DST: variants seen among roughly 807,000 people sequenced by gnomAD.
DST encodes the protein dystonin, also known as bullous pemphigoid antigen.
Under a neutral mutation model 875.2 loss-of-function variants are expected in DST, and 253 were observed. The observed-to-expected ratio is 0.29, with a 90% CI of 0.26 to 0.32. The LOEUF is 0.32. Among genes scored for constraint, DST ranks in the 10% least tolerant of loss-of-function variants. DST has a pLI of 1.00. For missense variants in DST, 8,287 were observed against 9,111.6 expected (o/e 0.91, Z 3.68); for synonymous variants, 3,124 against 3,197.1 (o/e 0.98, Z 0.77).
intron 15 of DST, among the ~76,000 whole-genome samples, chr6:56,644,318 C>A (rs143325755): frequency 6.6e-6 from 1 of 152,112 alleles, no homozygotes; most frequent in African/African-American, 2.4e-5. Flanking sequence ...TATTATTATA[C>A]TTTAACATAA....
intron 5 of DST, among the ~76,000 whole-genome samples, chr6:56,706,185 G>T (rs562944984): frequency 6.6e-6 from 1 of 151,968 alleles, no homozygotes; most frequent in African/African-American, 2.4e-5. Context: ...ATGGTGGCAG[G>T]TGCCTGTAAT....
At position 56,460,131 on chromosome 6, in the gene DST, C is replaced by T. The variant is rs1170180001; in HGVS notation, c.23194G>A (p.Asp7732Asn). ...AAARVRTQFA[D>N]SKKTPSRPGS... ...GAAAAAAGAAAGGCACCACACTCAC[C>T]AGCAAACTGTGTTCGGACTCTGGCA... Residue 7732 changes from aspartate (D) to asparagine (N), a missense_variant and splice_region_variant, in exon 103 of 104, where the codon GAT (aspartate) becomes AAT (asparagine). Transcript: ENST00000680361. The T allele has an allele frequency of 6.2e-7, 1 of 1,610,462 alleles. No individual in the cohort carries two copies. Among genetic ancestry groups the T allele is most frequent in the African/African-American group, 1.3e-5 (1 of 74,878 alleles).
chr6:56,634,091 A>AT (rs1431556004), intron 27 of DST, 41 bp downstream of exon 27: 1 of 1,610,812 alleles, frequency 6.2e-7, no homozygotes, highest in Admixed American at 1.7e-5. Context: ...AGGCATGCAC[A>AT]TTTTTGGACA....
At chr6:56,544,350 T>C (rs1417067457) in intron 61 of DST, among the ~76,000 whole-genome samples, 2 of 152,234 alleles carry the variant, frequency 1.3e-5, no homozygotes, top group Non-Finnish European at 2.9e-5. Flanking sequence ...CTTTTCATAA[T>C]AAAGAATGGC....
intron 57 of DST, 69 bp downstream of exon 57, chr6:56,561,239 C>A: frequency 6.7e-7 from 1 of 1,487,712 alleles, no homozygotes; most frequent in Non-Finnish European, 9.0e-7. Flanking sequence ...CTTCTGACTA[C>A]CAGAGCTCCG....
At chr6:56,663,284 T>A (rs1208564769) in intron 10 of DST, among the ~76,000 whole-genome samples, 4 of 152,356 alleles carry the variant, frequency 2.6e-5, no homozygotes, top group East Asian at 3.9e-4. Flanking sequence ...AGTCATCCAT[T>A]TCTGTTCTCA....
rs1417774465 is a variant in DST at position 56,617,377 on chromosome 6, T to C, written c.4930-2893A>G. The C allele has an allele frequency of 6.8e-6, 11 of 1,613,860 alleles. No homozygotes were observed. The highest frequency in any genetic ancestry group is 9.3e-6 in the Non-Finnish European group (11 of 1,179,966). ...CTGGGTTCTTTTCTTGTTTTAATGT[T>C]GTGACTTCTGTATGCATATCATACT... On this transcript the variant is annotated intron_variant, in intron 36 of 103. Transcript: ENST00000680361.
intron 63 of DST, 59 bp from the exon 64 acceptor site, chr6:56,532,569 CA>C: frequency 1.4e-6 from 2 of 1,442,102 alleles, no homozygotes; most frequent in Non-Finnish European, 1.9e-6. Flanking sequence ...ATATAAAGTA[CA>C]ATGTATTCTA....
chr6:56,529,621 T>C lies in DST; in HGVS notation c.17422A>G (p.Lys5808Glu), dbSNP rs1313897727. 1 of 1,613,840 alleles carries C rather than the reference T, an allele frequency of 6.2e-7. No homozygotes were observed. Reference sequence around the variant, plus strand: ...AGGAGCTCAGACCTGCTGTGACTTTTCTCTTGAATCTCAATGTACCATACT... The same window carrying C: ...AGGAGCTCAGACCTGCTGTGACTTTCCTCTTGAATCTCAATGTACCATACT... ...SQVWYIEIQE[K>E]SHSRSELLQQ... The change falls in exon 66 of 104, where the codon AAA becomes GAA. Residue 5808 changes from lysine to glutamate, a missense_variant. Coordinates refer to ENST00000680361, the MANE Select transcript of DST (RefSeq NM_001374736.1).
chr6:56,627,182 TAAAGTTAATG>T lies in DST; in HGVS notation c.4722+12_4722+21del, dbSNP rs1160320219. On this transcript the variant is annotated intron_variant, in intron 34 of 103. Transcript: ENST00000680361. ...CACAAACCTGAATATTAAATTTTAC[TAAAGTTAATG>T]AATCTTCCTACCTTCACTGTAGCTG... 6.5e-7 allele frequency: 1 copy of T among 1,546,024 alleles called. No individual in the cohort carries two copies. Among genetic ancestry groups the T allele is most frequent in the African/African-American group, 1.4e-5 (1 of 73,844 alleles).
Position 56,508,639 on chromosome 6 carries a change from C to T in DST, c.19129G>A (p.Asp6377Asn). 4.3e-6 allele frequency: 7 copies of T among 1,613,788 alleles called. No homozygotes were observed. Among genetic ancestry groups the T allele is most frequent in the Non-Finnish European group, 5.9e-6 (7 of 1,179,758 alleles). The change falls in exon 75 of 104, where the codon GAT (aspartate) becomes AAT (asparagine). Residue 6377 changes from aspartate (D) to asparagine (N), a missense_variant. Asp to Asn is a conservative substitution (Grantham distance 23, BLOSUM62 1). Coordinates refer to ENST00000680361, the MANE Select transcript of DST (RefSeq NM_001374736.1). ...VMELAEKFWC[D>N]HMSLIVTIKD... ...ATGGTAACTATCAATGACATGTGATCACACCAGAACTTTTCTGCTAGCTCC... is the reference window on the plus strand; with the variant it reads ...ATGGTAACTATCAATGACATGTGATTACACCAGAACTTTTCTGCTAGCTCC...
chr6:56,685,633 G>A (rs1283109747), intron 9 of DST, among the ~76,000 whole-genome samples: 3 of 152,060 alleles, frequency 2.0e-5, no homozygotes, highest in Non-Finnish European at 4.4e-5. Flanking sequence ...TTAGCCAGGC[G>A]TGGTGGTGGA....
At chr6:56,653,243 G>T (rs1411297977) in intron 10 of DST, among the ~76,000 whole-genome samples, 3 of 152,156 alleles carry the variant, frequency 2.0e-5, no homozygotes, top group Non-Finnish European at 4.4e-5. Flanking sequence ...AAAAGCAGCT[G>T]TAGAATACAA....
intron 4 of DST, among the ~76,000 whole-genome samples, chr6:56,800,882 T>C (rs1207467731): frequency 2.0e-5 from 3 of 152,002 alleles, no homozygotes; most frequent in South Asian, 4.2e-4. Flanking sequence ...TAGCCAGGCA[T>C]GGTGGCACAC....
intron 4 of DST, among the ~76,000 whole-genome samples, chr6:56,736,528 C>T (rs976438189): frequency 1.3e-5 from 2 of 152,082 alleles, no homozygotes; most frequent in African/African-American, 2.4e-5. Context: ...TTTCTCCTTC[C>T]TTGGTGGTCT....
intron 2 of DST, among the ~76,000 whole-genome samples, chr6:56,948,219 AT>A (rs921786724): frequency 6.6e-5 from 10 of 151,594 alleles, no homozygotes; most frequent in Admixed American, 2.0e-4. Flanking sequence ...TCAGCATACG[AT>A]TTTTTTTTCC....
At position 56,614,499 on chromosome 6, in the gene DST, C is replaced by A; in HGVS notation, c.4930-15G>T. On this transcript the variant is annotated splice_polypyrimidine_tract_variant and intron_variant, in intron 36 of 103. Coordinates refer to ENST00000680361, the MANE Select transcript of DST (RefSeq NM_001374736.1). The stretch of plus-strand genomic sequence containing the variant: ...TCCAGTGACTTCTGACAGTTGTGAG[C>A]GGTAAGAAAAATATACACTGCATTA... 6.3e-7 allele frequency: 1 copy of A among 1,583,618 alleles called. No homozygotes were observed. The highest frequency in any genetic ancestry group is 1.2e-5 in the South Asian group (1 of 84,634).
chr6:56,471,726 T>G (rs574140062), intron 94 of DST: 1 of 392,054 alleles, frequency 2.6e-6, no homozygotes, highest in African/African-American at 2.1e-5. Flanking sequence ...AATCAAAAGA[T>G]CTGAAATATA....
At chr6:56,586,832 A>T (rs1163529130) in intron 49 of DST, among the ~76,000 whole-genome samples, 2 of 152,248 alleles carry the variant, frequency 1.3e-5, no homozygotes, top group Admixed American at 6.5e-5. Flanking sequence ...AAACTCCAAC[A>T]GACCTGCAGC....
Sources: allele counts gnomAD v4.1 joint callset (sites outside exome capture counted in the v4.1 genomes callset), GRCh38; gene constraint gnomAD v4.1.1; transcripts MANE v1.5; gene names NCBI Gene and HGNC (gene_info 2026-07-23, HGNC 2026-07-21).